The following CTNNA1 variants were observed in gnomAD, a reference collection of about 807,000 sequenced individuals.
CTNNA1 encodes catenin alpha 1.
CTNNA1 carries 37 observed loss-of-function variants against 98.4 expected under a neutral mutation model. The ratio of observed to expected loss-of-function variants is 0.38; its 90% CI spans 0.29 to 0.49. The LOEUF (loss-of-function observed/expected upper bound fraction) is 0.49. CTNNA1 is among the 20% of genes least tolerant of loss of function. CTNNA1 has a pLI of 0.95. For synonymous variants in CTNNA1, 404 were observed against 413.2 expected (o/e 0.98, Z 0.27); for missense variants, 761 against 1,147.2 (o/e 0.66, Z 4.86).
chr5:138,915,726 A>G (rs1173260995), intron 10 of CTNNA1, among the ~76,000 whole-genome samples: 1 of 152,248 alleles, frequency 6.6e-6, no homozygotes, highest in Admixed American at 6.5e-5. Context: ...TTATTCATCA[A>G]CAAAAGGGAA....
chr5:138,875,699 A>C, intron 7 of CTNNA1: 1 of 985,496 alleles, frequency 1.0e-6, no homozygotes, highest in Non-Finnish European at 1.2e-6. Flanking sequence ...AGAAGCCTGC[A>C]CAATTTATGA....
chr5:138,755,845 C>CTTTTT (rs60260246), intron 1 of CTNNA1, among the ~76,000 whole-genome samples: 594 of 58,450 alleles, frequency 0.01, 14 homozygotes, highest in Non-Finnish European at 0.014. Flanking sequence ...GGATTTCCTT[C>CTTTTT]TTTTTTTTTT....
At chr5:138,860,989 TAGAG>T (rs1414347520) in intron 7 of CTNNA1, among the ~76,000 whole-genome samples, 10 of 152,006 alleles carry the variant, frequency 6.6e-5, no homozygotes, top group Non-Finnish European at 1.0e-4. Context: ...CAAGGGAAAA[TAGAG>T]AGGTAGCGCT....
intron 7 of CTNNA1, among the ~76,000 whole-genome samples, chr5:138,847,978 C>CT (rs1243927485): frequency 1.3e-5 from 2 of 152,304 alleles, no homozygotes; most frequent in East Asian, 3.9e-4. Flanking sequence ...AGTGGCACCT[C>CT]TGTTTCTTTA....
At chr5:138,869,752 A>G (rs1765165178) in intron 7 of CTNNA1, 1 of 152,628 alleles carries the variant, frequency 6.6e-6, no homozygotes, top group African/African-American at 2.4e-5. Context: ...TGGCGTTGGG[A>G]AGTTCAGTCA....
At chr5:138,907,180 C>T (rs369037480) in intron 10 of CTNNA1, among the ~76,000 whole-genome samples, 18 of 152,288 alleles carry the variant, frequency 1.2e-4, no homozygotes, top group East Asian at 7.7e-4. Flanking sequence ...TGCCACCATG[C>T]CCAGCTAATT....
chr5:138,820,488 G>C (rs1759926431), intron 5 of CTNNA1, among the ~76,000 whole-genome samples: 1 of 152,150 alleles, frequency 6.6e-6, no homozygotes, highest in South Asian at 2.1e-4. Context: ...GGTGAGGTCT[G>C]TATGTGTCCA....
intron 10 of CTNNA1, among the ~76,000 whole-genome samples, chr5:138,908,579 C>CGCTTGAGCGCAGGAGGATT (rs371145456): frequency 0.015 from 2,235 of 152,026 alleles, 40 homozygotes; most frequent in African/African-American, 0.043. Flanking sequence ...GCAGGAGGAT[C>CGCTTGAGCGCAGGAGGATT]GCTTGAGCGC....
Position 138,930,529 on chromosome 5 carries a change from C to T in CTNNA1, c.2067C>T (p.Ala689=), listed in dbSNP as rs746966629. 5.6e-6 allele frequency: 9 copies of T among 1,613,870 alleles called. No individual in the cohort carries two copies. The Admixed American group carries it at 1.3e-4, about 24-fold the overall frequency. The stretch of plus-strand genomic sequence containing the variant: ...AAGCGAAGATTGCGGAACAGGTGGC[C>T]AGCTTCCAGGAAGAAAAGAGCAAGC... ...EQKAKIAEQV[A]SFQEEKSKLD... Residue 689 remains alanine, a synonymous_variant, in exon 15 of 18, where the codon GCC becomes GCT. Transcript: ENST00000302763.
At chr5:138,795,845 TAGTA>T (rs1178158868) in intron 3 of CTNNA1, among the ~76,000 whole-genome samples, 6 of 152,174 alleles carry the variant, frequency 3.9e-5, no homozygotes, top group Non-Finnish European at 2.9e-5. Context: ...TGTGTTTTGA[TAGTA>T]AGAGCAAAAA....
At chr5:138,830,795 A>G (rs558174870) in intron 7 of CTNNA1, among the ~76,000 whole-genome samples, 237 of 152,276 alleles carry the variant, frequency 1.6e-3, no homozygotes, top group African/African-American at 5.2e-3. Context: ...GGAACAGACA[A>G]AGTTTCTATA....
chr5:138,815,631 T>A (rs899096578), intron 5 of CTNNA1, among the ~76,000 whole-genome samples: 2 of 152,230 alleles, frequency 1.3e-5, no homozygotes, highest in Non-Finnish European at 2.9e-5. Context: ...TCCATACCTA[T>A]GTATGATAGT....
At chr5:138,857,211 A>C (rs1231764730) in intron 7 of CTNNA1, among the ~76,000 whole-genome samples, 1 of 152,168 alleles carries the variant, frequency 6.6e-6, no homozygotes, top group Non-Finnish European at 1.5e-5. Flanking sequence ...ACATCTCTCT[A>C]AGTCACTGCT....
chr5:138,916,909 G>GA (rs1691299603), intron 10 of CTNNA1, among the ~76,000 whole-genome samples: 1 of 152,064 alleles, frequency 6.6e-6, no homozygotes, highest in South Asian at 2.1e-4. Context: ...TGAGTAGCTG[G>GA]AATTACAGGC....
At chr5:138,931,901 G>T in intron 16 of CTNNA1, 1 of 985,446 alleles carries the variant, frequency 1.0e-6, no homozygotes, top group Non-Finnish European at 1.2e-6. Context: ...CACTTGAGAG[G>T]TGCTCTGTGT....
intron 1 of CTNNA1, among the ~76,000 whole-genome samples, chr5:138,761,137 G>C (rs999672144): frequency 6.6e-6 from 1 of 152,138 alleles, no homozygotes; most frequent in South Asian, 2.1e-4. Context: ...ATAATATTTT[G>C]TACTCTTATA....
At chr5:138,902,434 T>G (rs569708827) in intron 9 of CTNNA1, among the ~76,000 whole-genome samples, 1 of 152,336 alleles carries the variant, frequency 6.6e-6, no homozygotes, top group Admixed American at 6.5e-5. Flanking sequence ...TTGTTTTTGT[T>G]TTTGAGACGG....
chr5:138,755,719 GC>G (rs1444904858), intron 1 of CTNNA1, among the ~76,000 whole-genome samples: 2 of 152,088 alleles, frequency 1.3e-5, no homozygotes, highest in African/African-American at 4.8e-5. Context: ...GCATTGGGAA[GC>G]TTTTTGGGTG....
chr5:138,772,599 G>T (rs1279107755), intron 1 of CTNNA1, among the ~76,000 whole-genome samples: 1 of 152,148 alleles, frequency 6.6e-6, no homozygotes, highest in Non-Finnish European at 1.5e-5. Context: ...AATACTATCT[G>T]CCCTGCATAA....
Sources: gnomAD v4.1 joint callset for allele counts (sites outside exome capture counted in the v4.1 genomes callset) on GRCh38, gnomAD v4.1.1 for gene constraint, MANE v1.5 for transcripts, NCBI Gene and HGNC (gene_info 2026-07-23, HGNC 2026-07-21) for gene names.